The following FMC1 variants were observed in gnomAD, a reference collection of about 807,000 sequenced individuals.
FMC1 encodes formation of mitochondrial complex V assembly factor 1, also known as protein FMC1 homolog.
In FMC1, 6 loss-of-function variants were observed where a neutral mutation model predicts 10.5. The ratio of observed to expected loss-of-function variants is 0.57; its 90% CI spans 0.31 to 1.12. FMC1 has a LOEUF of 1.12. Ranked by LOEUF, FMC1 falls within the 50% of genes most tolerant of loss-of-function variation. The probability of loss-of-function intolerance (pLI) is 0.05; values close to 1 mark genes in which losing one functional copy is unlikely to be tolerated. For synonymous variants in FMC1, 59 were observed against 62.1 expected (o/e 0.95, Z 0.24); for missense variants, 146 against 151.7 (o/e 0.96, Z 0.20).
At chr7:139,341,575 G>T (rs776281314) in intron 1 of FMC1, 53 bp downstream of exon 1, 4 of 1,591,830 alleles carry the variant, frequency 2.5e-6, no homozygotes, top group African/African-American at 2.7e-5. Context: ...AGGAAGAGCC[G>T]GGTCTGGGCT....
rs1460305452 is a variant in FMC1, at chr7:139,343,935, A to C, written c.139-1566A>C. Among the ~76,000 whole-genome samples the C allele has an allele frequency of 5.9e-5, 9 of 151,658 alleles. No homozygotes were observed. The South Asian group carries it at 1.7e-3, about 28-fold the overall frequency. On this transcript the variant is annotated intron_variant, in intron 1 of 1. Coordinates refer to ENST00000297534, the MANE Select transcript of FMC1 (RefSeq NM_197964.5). ...AGTGAGACCCTGTCCCCAAAAAAAA[A>C]AAAAAAAAAAAGAGTTGGTGGGGGG... is the stretch of plus-strand genomic sequence containing the variant.
chr7:139,341,603 GTTTAATTC>G, intron 1 of FMC1, 81 bp downstream of exon 1: 2 of 1,539,286 alleles, frequency 1.3e-6, no homozygotes, highest in Non-Finnish European at 1.8e-6. Context: ...GGAGCACGGT[GTTTAATTC>G]CTGCATTTCT....
intron 1 of FMC1, chr7:139,345,096 G>A: frequency 6.2e-6 from 1 of 162,156 alleles, no homozygotes; most frequent in East Asian, 1.8e-4. Context: ...TCCTTTATTT[G>A]CTTGAAAGGG....
chr7:139,344,128 A>T (rs1799141509), intron 1 of FMC1, among the ~76,000 whole-genome samples: 1 of 152,140 alleles, frequency 6.6e-6, no homozygotes, highest in East Asian at 1.9e-4. Flanking sequence ...GTTAAGTATG[A>T]TGAAGAAAAA....
upstream of FMC1, chr7:139,341,114 G>GA: frequency 2.6e-6 from 1 of 377,598 alleles, no homozygotes; most frequent in Non-Finnish European, 4.5e-6. Flanking sequence ...ACGCAGTGAA[G>GA]AAAAGCCCCT....
In FMC1 at chr7:139,345,918, AT is replaced by A. The variant is rs568629078; in HGVS notation, c.*221del. The A allele has an allele frequency of 2.3e-6, 1 of 440,136 alleles. No homozygotes were observed. Among genetic ancestry groups the A allele is most frequent in the African/African-American group, 2.1e-5 (1 of 48,096 alleles). The allele number at this position is 440,136 out of a possible 1,614,324, so 27.3% of individuals were successfully genotyped here. A position where few individuals can be genotyped will look rare whatever the true frequency, so the allele number is the denominator to read the frequency against. Reference sequence around the variant, plus strand: ...TGATGTTGTTTTTCTACTTAAAAAAATTTTTTTATATTTTATTTTAAAAGTA... The same window carrying A: ...TGATGTTGTTTTTCTACTTAAAAAAATTTTTTATATTTTATTTTAAAAGTA... On this transcript the variant is annotated 3_prime_UTR_variant, in exon 2 of 2. Transcript: ENST00000297534.
intron 1 of FMC1, among the ~76,000 whole-genome samples, 161 bp downstream of exon 1, chr7:139,341,683 G>C (rs1798979350): frequency 6.6e-6 from 1 of 152,100 alleles, no homozygotes; most frequent in Admixed American, 6.6e-5. Context: ...TAGGCTCCAT[G>C]CTCTGGCATA....
chr7:139,344,441 C>T (rs531784148), intron 1 of FMC1, among the ~76,000 whole-genome samples: 3 of 152,220 alleles, frequency 2.0e-5, no homozygotes, highest in South Asian at 2.1e-4. Flanking sequence ...CTATGTAAAT[C>T]GTTGTTATAC....
In FMC1 at chr7:139,341,393, C is replaced by T. The variant is rs530614678; in HGVS notation, c.9C>T (p.Ala3=). ...CGGAGAAGGACAGGACAATGGCGGCCTTAGGGTCCCCGTCGCACACTTTTC... is the reference window on the plus strand; with the variant it reads ...CGGAGAAGGACAGGACAATGGCGGCTTTAGGGTCCCCGTCGCACACTTTTC... The part of the protein sequence containing the change: MA[A]LGSPSHTFRG... The change falls in exon 1 of 2, where the codon GCC becomes GCT. Residue 3 remains alanine (A), a synonymous_variant. Transcript: ENST00000297534. The T allele has an allele frequency of 9.9e-6, 16 of 1,612,968 alleles. No individual in the cohort carries two copies. Among genetic ancestry groups the T allele is most frequent in the Non-Finnish European group, 1.4e-5 (16 of 1,179,760 alleles).
upstream of FMC1, chr7:139,341,048 C>T: frequency 4.3e-6 from 1 of 234,594 alleles, no homozygotes; most frequent in Non-Finnish European, 8.3e-6. Flanking sequence ...ACACCCCCCG[C>T]CGGGCCCGCT....
chr7:139,341,430 C>T lies in FMC1; in HGVS notation c.46C>T (p.Arg16Trp), dbSNP rs1585052571. 6.2e-7 allele frequency: 1 copy of T among 1,613,490 alleles called. No individual in the cohort carries two copies. Among genetic ancestry groups the T allele is most frequent in the Non-Finnish European group, 8.5e-7 (1 of 1,179,992 alleles). ...GTCGCACACTTTTCGAGGACTTCTG[C>T]GGGAGTTGCGCTACCTGAGCGCGGC... ...SPSHTFRGLL[R>W]ELRYLSAATG... The change falls in exon 1 of 2, where the codon CGG becomes TGG. Residue 16 changes from arginine to tryptophan, a missense_variant. Physicochemically the swap from Arg to Trp is moderately radical, Grantham distance 101 (BLOSUM62 -3). Coordinates refer to ENST00000297534, the MANE Select transcript of FMC1 (RefSeq NM_197964.5).
chr7:139,341,488 A>T lies in FMC1; in HGVS notation c.104A>T (p.Tyr35Phe). 6.2e-7 allele frequency: 1 copy of T among 1,613,794 alleles called. No homozygotes were observed. The highest frequency in any genetic ancestry group is 8.5e-7 in the Non-Finnish European group (1 of 1,179,958). The change falls in exon 1 of 2, where the codon TAT becomes TTT. Residue 35 changes from tyrosine (Y) to phenylalanine (F), a missense_variant. Tyr to Phe is a conservative substitution (Grantham distance 22). Coordinates refer to ENST00000297534, the MANE Select transcript of FMC1 (RefSeq NM_197964.5). ...TGRPYRDTAA[Y>F]RYLVKAFRAH... ...CGACCCTATCGCGACACCGCGGCCT[A>T]TCGGTACCTTGTGAAGGCTTTCCGT...
In FMC1 at chr7:139,345,853, C is replaced by G; in HGVS notation, c.*149C>G. The G allele has an allele frequency of 1.2e-6, 1 of 859,124 alleles. No individual in the cohort carries two copies. Among genetic ancestry groups the G allele is most frequent in the Non-Finnish European group, 1.7e-6 (1 of 597,954 alleles). 53.2% of individuals were successfully genotyped at this position (859,124 alleles called of 1,614,324 possible). A position where few individuals can be genotyped will look rare whatever the true frequency, so the allele number is the denominator to read the frequency against. On this transcript the variant is annotated 3_prime_UTR_variant, in exon 2 of 2. Coordinates refer to ENST00000297534, the MANE Select transcript of FMC1 (RefSeq NM_197964.5). Reference sequence around the variant, plus strand: ...TAGGGGAATTAACTGGACATTTCATCTTTACTCTCAGTGAATTTACTGAAC... The same window carrying G: ...TAGGGGAATTAACTGGACATTTCATGTTTACTCTCAGTGAATTTACTGAAC...
chr7:139,344,579 G>T (rs935847887), intron 1 of FMC1, among the ~76,000 whole-genome samples: 1 of 151,878 alleles, frequency 6.6e-6, no homozygotes, highest in Admixed American at 6.6e-5. Flanking sequence ...GATATGGAGG[G>T]CCAATTGTAA....
upstream of FMC1, among the ~76,000 whole-genome samples, chr7:139,340,797 C>T (rs1219010869): frequency 6.6e-6 from 1 of 151,982 alleles, no homozygotes; most frequent in Non-Finnish European, 1.5e-5. Flanking sequence ...TCCTTTTTTC[C>T]CCTTTCTAAA....
intron 1 of FMC1, 137 bp from the exon 2 acceptor site, chr7:139,345,364 T>C: frequency 8.0e-7 from 1 of 1,255,008 alleles, no homozygotes; most frequent in Non-Finnish European, 1.1e-6. Context: ...GTATTAAGTA[T>C]ACATGTATAT....
upstream of FMC1, among the ~76,000 whole-genome samples, chr7:139,340,784 T>C (rs1037411827): frequency 1.3e-5 from 2 of 151,186 alleles, no homozygotes; most frequent in South Asian, 2.1e-4. Context: ...CCTGTGACTT[T>C]TGTCCTTTTT....
At chr7:139,341,821 G>T (rs987040396) in intron 1 of FMC1, among the ~76,000 whole-genome samples, 9 of 152,250 alleles carry the variant, frequency 5.9e-5, no homozygotes, top group African/African-American at 2.2e-4. Flanking sequence ...GCGGAGGGCA[G>T]TCAGGAAAGT....
upstream of FMC1, chr7:139,341,135 A>T (rs1471803344): frequency 2.2e-6 from 1 of 449,422 alleles, no homozygotes; most frequent in African/African-American, 2.0e-5. Flanking sequence ...GTTTCCCCAA[A>T]CCCTTGTTCT....
Sources: allele counts gnomAD v4.1 joint callset (sites outside exome capture counted in the v4.1 genomes callset), GRCh38; gene constraint gnomAD v4.1.1; transcripts MANE v1.5; gene names NCBI Gene and HGNC (gene_info 2026-07-23, HGNC 2026-07-21).